UACA: variants seen among roughly 807,000 people sequenced by gnomAD.
UACA encodes the protein nuclear membrane binding protein.
In UACA, 112 loss-of-function variants were observed where a neutral mutation model predicts 160.5. The observed-to-expected ratio is 0.70, with a 90% CI of 0.60 to 0.82. The LOEUF (loss-of-function observed/expected upper bound fraction) is 0.82, where lower values mean the gene tolerates loss of function less well. UACA is among the 40% of genes least tolerant of loss of function. UACA has a pLI of 0.00. For synonymous variants in UACA, 557 were observed against 568.4 expected (o/e 0.98, Z 0.29); for missense variants, 1,574 against 1,614.6 (o/e 0.97, Z 0.43).
At chr15:70,752,133 G>A (rs966040113) in intron 1 of UACA, among the ~76,000 whole-genome samples, 1 of 151,792 alleles carries the variant, frequency 6.6e-6, no homozygotes, top group African/African-American at 2.4e-5. Flanking sequence ...AGCTACTCGG[G>A]AGGCTGAGGC....
intron 3 of UACA, 52 bp from the exon 4 acceptor site, chr15:70,691,415 T>C: frequency 7.5e-7 from 1 of 1,336,326 alleles, no homozygotes; most frequent in Non-Finnish European, 1.1e-6. Flanking sequence ...ATATGTAAAT[T>C]GAGGATTTTT....
chr15:70,773,867 G>A, the UACA span, among the ~76,000 whole-genome samples: 2 of 152,178 alleles, frequency 1.3e-5, no homozygotes, highest in Non-Finnish European at 1.5e-5. Flanking sequence ...TTGAGAGTGT[G>A]AAGAATTTCT....
chr15:70,703,693 G>A (rs1472551232), intron 1 of UACA, among the ~76,000 whole-genome samples: 3 of 152,132 alleles, frequency 2.0e-5, no homozygotes, highest in Non-Finnish European at 2.9e-5. Flanking sequence ...TATAAGGAGC[G>A]GCCCATGTTC....
chr15:70,698,181 T>A (rs1898201130), intron 2 of UACA, among the ~76,000 whole-genome samples: 1 of 152,176 alleles, frequency 6.6e-6, no homozygotes, highest in South Asian at 2.1e-4. Context: ...CTATTTAATG[T>A]CACTCAAAAT....
chr15:70,664,973 C>T, intron 16 of UACA, 159 bp from the exon 17 acceptor site: 1 of 520,576 alleles, frequency 1.9e-6, no homozygotes, highest in Non-Finnish European at 3.2e-6. Flanking sequence ...AGGATGTATA[C>T]AATATGTAAT....
At chr15:70,681,939 T>C (rs1244262923) in intron 9 of UACA, 1 of 152,314 alleles carries the variant, frequency 6.6e-6, no homozygotes, top group East Asian at 1.9e-4. Flanking sequence ...TGACACAGGA[T>C]GATGATCAGA....
At chr15:70,669,914 G>A (rs1404178091) in intron 15 of UACA, among the ~76,000 whole-genome samples, 1 of 152,136 alleles carries the variant, frequency 6.6e-6, no homozygotes, top group Non-Finnish European at 1.5e-5. Context: ...TTTTAAATTT[G>A]CAGATAATTT....
At chr15:70,776,889 CTG>C in the UACA span, among the ~76,000 whole-genome samples, 1 of 152,048 alleles carries the variant, frequency 6.6e-6, no homozygotes, top group Non-Finnish European at 1.5e-5. Flanking sequence ...AAGTGCTAGA[CTG>C]ATTGGAACAG....
intron 2 of UACA, among the ~76,000 whole-genome samples, chr15:70,698,796 T>C (rs1042682800): frequency 3.3e-5 from 5 of 152,220 alleles, no homozygotes; most frequent in Admixed American, 3.3e-4. Context: ...ATGCTATAAG[T>C]ATAGAGGGTC....
chr15:70,745,611 C>G lies in UACA; in HGVS notation c.78+17719G>C, dbSNP rs553756332. ...TTCTTCATAGAATTAGAAAAAACTA[C>G]TTTAAATTTCATATGGAACCAAAAA... On this transcript the variant is annotated intron_variant, in intron 1 of 18. Transcript: ENST00000322954. Among the ~76,000 whole-genome samples, 13 of 152,228 alleles carry G rather than the reference C, an allele frequency of 8.5e-5. No individual in the cohort carries two copies. The South Asian group carries it at 2.5e-3, about 29-fold the overall frequency.
At chr15:70,754,135 T>C (rs1389307867) in intron 1 of UACA, 1 of 456,072 alleles carries the variant, frequency 2.2e-6, no homozygotes, top group South Asian at 1.5e-5. Flanking sequence ...TGAACATGTA[T>C]GACTTTTGTG....
chr15:70,745,790 G>T (rs993464566), intron 1 of UACA, among the ~76,000 whole-genome samples: 2 of 150,548 alleles, frequency 1.3e-5, no homozygotes, highest in Admixed American at 6.7e-5. Flanking sequence ...CAGAACAGAG[G>T]CCTCTGAAAT....
At chr15:70,776,425 CTT>C in the UACA span, among the ~76,000 whole-genome samples, 14,688 of 124,806 alleles carry the variant, frequency 0.12, 600 homozygotes, top group African/African-American at 0.19. Flanking sequence ...CCTCAAATGT[CTT>C]TTTTTTTTTT....
At chr15:70,740,082 G>C (rs1899481718) in intron 1 of UACA, among the ~76,000 whole-genome samples, 1 of 152,226 alleles carries the variant, frequency 6.6e-6, no homozygotes, top group Admixed American at 6.5e-5. Flanking sequence ...AAAACCTAGA[G>C]TAAAAAGCAA....
In UACA at chr15:70,656,025, T is replaced by G. The variant is rs1391837361; in HGVS notation, c.*1031A>C. ...AGTATTTACTATAAACATGTCCACT[T>G]ATGTTATTTTATTGCTATCTATATA... On this transcript the variant is annotated 3_prime_UTR_variant, in exon 19 of 19. Coordinates refer to ENST00000322954, the MANE Select transcript of UACA (RefSeq NM_018003.4). 1 of 152,224 alleles carries G rather than the reference T, an allele frequency of 6.6e-6. No homozygotes were observed. The highest frequency in any genetic ancestry group is 1.5e-5 in the Non-Finnish European group (1 of 68,014). The allele number at this position is 152,224 out of a possible 1,614,324, so 9.4% of individuals were successfully genotyped here.
Position 70,668,700 on chromosome 15 carries a change from T to C in UACA, c.1984A>G (p.Ser662Gly). 1 of 1,614,002 alleles carries C rather than the reference T, an allele frequency of 6.2e-7. No homozygotes were observed. The highest frequency in any genetic ancestry group is 8.5e-7 in the Non-Finnish European group (1 of 1,180,012). Residue 662 changes from serine (S) to glycine (G), a missense_variant, in exon 16 of 19, where the codon AGT becomes GGT. Coordinates refer to ENST00000322954, the MANE Select transcript of UACA (RefSeq NM_018003.4). ...EMEREHEKSL[S>G]EIRQLKRELE... is the part of the protein sequence containing the mutation. ...TCTCTCTTTAACTGTCTAATTTCAC[T>C]AAGTGATTTTTCATGTTCTCTTTCC...
chr15:70,719,661 T>C (rs907402099), intron 1 of UACA, among the ~76,000 whole-genome samples: 31 of 152,104 alleles, frequency 2.0e-4, no homozygotes, highest in Admixed American at 1.8e-3. Context: ...AAGAAGTGGG[T>C]TGAGAAAGGT....
At chr15:70,705,403 A>T (rs984488736) in intron 1 of UACA, among the ~76,000 whole-genome samples, 7 of 151,986 alleles carry the variant, frequency 4.6e-5, no homozygotes, top group African/African-American at 1.4e-4. Flanking sequence ...AGGCATGGTG[A>T]TGCATGCCTG....
chr15:70,662,396 TG>T (rs201100215), intron 17 of UACA, among the ~76,000 whole-genome samples: 2,370 of 152,268 alleles, frequency 0.016, 54 homozygotes, highest in African/African-American at 0.055. Flanking sequence ...TCCATGCTCA[TG>T]GGTAGGAAGA....
Sources: allele counts gnomAD v4.1 joint callset (sites outside exome capture counted in the v4.1 genomes callset), GRCh38; gene constraint gnomAD v4.1.1; transcripts MANE v1.5; gene names NCBI Gene and HGNC (gene_info 2026-07-23, HGNC 2026-07-21).